Variants in MRPL10 observed in about 807,000 individuals in gnomAD.
The protein encoded by MRPL10 is mitochondrial ribosomal protein L10, also known as large ribosomal subunit protein uL10m.
Under a neutral mutation model 19.8 loss-of-function variants are expected in MRPL10, and 14 were observed. The observed-to-expected ratio is 0.71, with a 90% CI of 0.47 to 1.11. The LOEUF is 1.11. Ranked by LOEUF, MRPL10 falls within the 50% of genes least tolerant of loss-of-function variation. The pLI, the probability that MRPL10 is intolerant of heterozygous loss-of-function variation, is 0.00. For missense variants in MRPL10, 318 were observed against 339.6 expected, an observed-to-expected ratio of 0.94 and a Z score of 0.50; for synonymous variants, 129 against 139.2, an observed-to-expected ratio of 0.93 and a Z score of 0.52.
At chr17:47,831,388 T>C (rs2033628219) in intron 1 of MRPL10, 72 bp downstream of exon 1, 3 of 1,544,630 alleles carry the variant, frequency 1.9e-6, no homozygotes, top group Non-Finnish European at 2.6e-6. Context: ...GAAGAATCAG[T>C]AGTAGAGGAG....
chr17:47,830,652 C>T (rs2143600073), intron 1 of MRPL10, among the ~76,000 whole-genome samples: 1 of 152,120 alleles, frequency 6.6e-6, no homozygotes, highest in South Asian at 2.1e-4. Context: ...ACTACAGGCA[C>T]GCGCCACCAC....
rs1419434131 is a variant in MRPL10 at position 47,824,232 on chromosome 17, T to C, written c.759A>G (p.Pro253=). The C allele has an allele frequency of 1.9e-6, 3 of 1,614,094 alleles. No individual in the cohort carries two copies. The highest frequency in any genetic ancestry group is 1.7e-5 in the Admixed American group (1 of 60,004). The change falls in exon 5 of 5, where the codon CCA becomes CCG. Residue 253 remains proline (P), a synonymous_variant. Coordinates refer to ENST00000351111, the MANE Select transcript of MRPL10 (RefSeq NM_145255.4). ...KDSVMSANGK[P]DPDTVPDS is the part of the protein sequence containing the mutation. ...ACGAGTCCGGAACAGTGTCAGGATCTGGCTTCCCATTGGCCGACATGACAG... is the reference window on the plus strand; with the variant it reads ...ACGAGTCCGGAACAGTGTCAGGATCCGGCTTCCCATTGGCCGACATGACAG...
rs775516351 is a variant in MRPL10 at position 47,828,555 on chromosome 17, C to T, written c.168G>A (p.Pro56=). The change falls in exon 2 of 5, where the codon CCG becomes CCA. Residue 56 remains proline, a synonymous_variant. Transcript: ENST00000351111. Reference sequence around the variant, plus strand: ...GGCATGATGGGTGGATGGCTGGTTTCGGGGGGATATATTCAGTCACAGCCA... The same window carrying T: ...GGCATGATGGGTGGATGGCTGGTTTTGGGGGGATATATTCAGTCACAGCCA... ...KLMAVTEYIP[P]KPAIHPSCLP... is the part of the protein sequence containing the mutation. 5 of 1,491,040 alleles carry T rather than the reference C, an allele frequency of 3.4e-6. No individual in the cohort carries two copies. The highest frequency in any genetic ancestry group is 2.7e-5 in the Admixed American group (1 of 37,512). The allele number at this position is 1,491,040 out of a possible 1,614,324, so 92.4% of individuals were successfully genotyped here.
chr17:47,831,376 G>A, intron 1 of MRPL10, 84 bp downstream of exon 1: 1 of 1,543,526 alleles, frequency 6.5e-7, no homozygotes, highest in Non-Finnish European at 8.7e-7. Flanking sequence ...CAGAGATTAT[G>A]GGAAGAATCA....
chr17:47,825,999 T>C (rs1475199783), intron 4 of MRPL10, among the ~76,000 whole-genome samples: 1 of 150,670 alleles, frequency 6.6e-6, no homozygotes, highest in Non-Finnish European at 1.5e-5. Flanking sequence ...AAAAAAAAAT[T>C]AGCTGGGCGT....
chr17:47,825,101 G>A (rs1174907672), intron 4 of MRPL10, among the ~76,000 whole-genome samples: 1 of 150,648 alleles, frequency 6.6e-6, no homozygotes, highest in Non-Finnish European at 1.5e-5. Flanking sequence ...GACCAAGGTC[G>A]GTGGATCACC....
chr17:47,825,984 C>T (rs540513523), intron 4 of MRPL10, among the ~76,000 whole-genome samples: 1 of 124,024 alleles, frequency 8.1e-6, no homozygotes, highest in Admixed American at 8.4e-5. Flanking sequence ...ACTAAAAATA[C>T]GAAAAAAAAA....
intron 2 of MRPL10, among the ~76,000 whole-genome samples, chr17:47,827,893 A>C (rs1417383774): frequency 8.4e-6 from 1 of 119,316 alleles, no homozygotes; most frequent in African/African-American, 3.1e-5. Flanking sequence ...ACTCTGTCTC[A>C]CAAAAAAAAA....
chr17:47,826,413 C>A (rs1300502028), intron 4 of MRPL10, among the ~76,000 whole-genome samples: 1 of 152,198 alleles, frequency 6.6e-6, no homozygotes, highest in Non-Finnish European at 1.5e-5. Context: ...TGCTCCATGT[C>A]TGCCTTTCCT....
intron 4 of MRPL10, among the ~76,000 whole-genome samples, chr17:47,825,202 A>G (rs1296475530): frequency 1.3e-5 from 2 of 148,894 alleles, no homozygotes; most frequent in African/African-American, 5.0e-5. Context: ...GGTGGCAAGC[A>G]CCTGTAATCC....
intron 3 of MRPL10, 39 bp downstream of exon 3, chr17:47,827,001 G>A: frequency 6.3e-7 from 1 of 1,576,528 alleles, no homozygotes; most frequent in Non-Finnish European, 8.6e-7. Context: ...GGGGGTGGGG[G>A]GAAGATGGGC....
Position 47,824,334 on chromosome 17 carries a change from G to T in MRPL10, c.657C>A (p.His219Gln), listed in dbSNP as rs765977303. ...GGLTCLTAQTHSLLQHQPLQL... is the reference protein window; with the variant it reads ...GGLTCLTAQTQSLLQHQPLQL... ...GGAGGGGCTGGTGCTGGAGCAGGGA[G>T]TGGGTCTGGGCTGTGAGGCAGGTGA... Residue 219 changes from histidine to glutamine, a missense_variant, in exon 5 of 5, where the codon CAC becomes CAA. Physicochemically the swap from His to Gln is conservative, Grantham distance 24. Coordinates refer to ENST00000351111, the MANE Select transcript of MRPL10 (RefSeq NM_145255.4). The T allele has an allele frequency of 5.0e-6, 8 of 1,613,994 alleles. No homozygotes were observed. In the Admixed American group the frequency reaches 6.7e-5, roughly 13 times the overall value.
rs1329409152 is a variant in MRPL10, at chr17:47,824,109, A to G, written c.*96T>C. 6.5e-7 allele frequency: 1 copy of G among 1,534,342 alleles called. No individual in the cohort carries two copies. Among genetic ancestry groups the G allele is most frequent in the African/African-American group, 1.4e-5 (1 of 73,412 alleles). ...CTAGTGAAAACCAAGTGACAAACAC[A>G]CTCCCCGACCCCAAGTTCTTCCACA... On this transcript the variant is annotated 3_prime_UTR_variant, in exon 5 of 5. Coordinates refer to ENST00000351111, the MANE Select transcript of MRPL10 (RefSeq NM_145255.4).
Position 47,823,832 on chromosome 17 carries a change from G to A in MRPL10, c.*373C>T, listed in dbSNP as rs2033483051. On this transcript the variant is annotated 3_prime_UTR_variant, in exon 5 of 5. Transcript: ENST00000351111. ...CCATTCTCAGCACAACTGCTTGGTTGAGCTACTGTGGCAGTGGCAGGTTGT... is the reference window on the plus strand; with the variant it reads ...CCATTCTCAGCACAACTGCTTGGTTAAGCTACTGTGGCAGTGGCAGGTTGT... 5 of 323,262 alleles carry A rather than the reference G, an allele frequency of 1.5e-5. No individual in the cohort carries two copies. In the Admixed American group the frequency reaches 1.9e-4, roughly 12 times the overall value. 20.0% of individuals were successfully genotyped at this position (323,262 alleles called of 1,614,324 possible).
intron 4 of MRPL10, among the ~76,000 whole-genome samples, chr17:47,824,824 G>A (rs1237659103): frequency 2.6e-5 from 4 of 151,670 alleles, no homozygotes; most frequent in Non-Finnish European, 5.9e-5. Context: ...GACCAGCCTG[G>A]CCAACATGGA....
intron 2 of MRPL10, among the ~76,000 whole-genome samples, chr17:47,827,986 C>T (rs1053789795): frequency 8.7e-5 from 13 of 149,596 alleles, no homozygotes; most frequent in Non-Finnish European, 1.0e-4. Flanking sequence ...AGGCAGATCA[C>T]GAGGTCAGGA....
intron 1 of MRPL10, among the ~76,000 whole-genome samples, chr17:47,830,961 C>T (rs2033619251): frequency 6.6e-6 from 1 of 152,232 alleles, no homozygotes; most frequent in African/African-American, 2.4e-5. Context: ...TTTAAATGAG[C>T]TAACACATAT....
Position 47,827,026 on chromosome 17 carries a change from G to A in MRPL10, c.387+14C>T. ...GGAAGATGGGCAACCCATGCCAAGGGGCCTGCTCCCTACCTGGTTGGGGAA... is the reference window on the plus strand; with the variant it reads ...GGAAGATGGGCAACCCATGCCAAGGAGCCTGCTCCCTACCTGGTTGGGGAA... On this transcript the variant is annotated intron_variant, in intron 3 of 4. Transcript: ENST00000351111. 6.2e-7 allele frequency: 1 copy of A among 1,602,472 alleles called. No individual in the cohort carries two copies. The highest frequency in any genetic ancestry group is 8.5e-7 in the Non-Finnish European group (1 of 1,173,786).
chr17:47,825,571 G>C (rs538158847), intron 4 of MRPL10, among the ~76,000 whole-genome samples: 130 of 152,306 alleles, frequency 8.5e-4, no homozygotes, highest in Non-Finnish European at 1.4e-3. Flanking sequence ...GCTGCTGTGA[G>C]CCATGACCGG....
Sources: gnomAD v4.1 joint callset for allele counts (sites outside exome capture counted in the v4.1 genomes callset) on GRCh38, gnomAD v4.1.1 for gene constraint, MANE v1.5 for transcripts, NCBI Gene and HGNC (gene_info 2026-07-23, HGNC 2026-07-21) for gene names.